Variants in FNBP1L observed in about 807,000 individuals in gnomAD.
FNBP1L encodes formin binding protein 1 like, also known as formin-binding protein 1-like.
In FNBP1L, 36 loss-of-function variants were observed where a neutral mutation model predicts 91.2. The observed-to-expected ratio is 0.39, with a 90% CI of 0.30 to 0.52. The LOEUF is 0.52. Ranked by LOEUF, FNBP1L falls within the 20% of genes least tolerant of loss-of-function variation. The pLI, the probability that FNBP1L is intolerant of heterozygous loss-of-function variation, is 0.66. For synonymous variants in FNBP1L, 242 were observed against 237.0 expected, an observed-to-expected ratio of 1.02 and a Z score of -0.19; for missense variants, 571 against 732.1, an observed-to-expected ratio of 0.78 and a Z score of 2.54.
chr1:93,454,272 G>T (rs72961361), intron 1 of FNBP1L, among the ~76,000 whole-genome samples: 94 of 152,234 alleles, frequency 6.2e-4, no homozygotes, highest in African/African-American at 2.2e-3. Flanking sequence ...AACCAGGCAG[G>T]CAAAGAGGTT....
intron 2 of FNBP1L, among the ~76,000 whole-genome samples, chr1:93,502,609 C>G (rs1670474525): frequency 6.6e-6 from 1 of 152,108 alleles, no homozygotes. Flanking sequence ...AGCTCCAGTT[C>G]ATTGAAACAA....
In FNBP1L at chr1:93,553,634, C is replaced by T. The variant is rs1672489383; in HGVS notation, c.*1218C>T. ...TTTCCACGTGATGCTTTTGTTTGAA[C>T]CTGATAAAATTTAGTGAAACTTTGT... is the stretch of plus-strand genomic sequence containing the variant. On this transcript the variant is annotated 3_prime_UTR_variant, in exon 17 of 17. Coordinates refer to ENST00000271234, the MANE Select transcript of FNBP1L (RefSeq NM_001164473.3). 1 of 152,556 alleles carries T rather than the reference C, an allele frequency of 6.6e-6. No homozygotes were observed. The highest frequency in any genetic ancestry group is 2.4e-5 in the African/African-American group (1 of 41,412). The allele number at this position is 152,556 out of a possible 1,614,324, so 9.5% of individuals were successfully genotyped here. A position where few individuals can be genotyped will look rare whatever the true frequency, so the allele number is the denominator to read the frequency against.
At chr1:93,506,600 A>T (rs989568432) in intron 2 of FNBP1L, among the ~76,000 whole-genome samples, 1 of 152,210 alleles carries the variant, frequency 6.6e-6, no homozygotes, top group Non-Finnish European at 1.5e-5. Flanking sequence ...TATGATTTAT[A>T]TTCCATTTTA....
chr1:93,546,731 T>C lies in FNBP1L; in HGVS notation c.1275-111T>C, dbSNP rs1252532232. 3.4e-5 allele frequency: 38 copies of C among 1,132,082 alleles called. No individual in the cohort carries two copies. The East Asian group carries it at 8.9e-4, about 27-fold the overall frequency. 70.1% of individuals were successfully genotyped at this position (1,132,082 alleles called of 1,614,324 possible). ...CATGTTAGACAAACTTAAAAAGATG[T>C]GACTCTACTTAAGATTAAGCTGCGT... On this transcript the variant is annotated intron_variant, in intron 12 of 16. Coordinates refer to ENST00000271234, the MANE Select transcript of FNBP1L (RefSeq NM_001164473.3).
intron 1 of FNBP1L, among the ~76,000 whole-genome samples, chr1:93,454,509 T>C (rs1449846547): frequency 1.3e-5 from 2 of 152,214 alleles, no homozygotes; most frequent in Admixed American, 1.3e-4. Context: ...AAGATGAAAG[T>C]GTATTTATTT....
chr1:93,536,188 A>G (rs995971555), intron 9 of FNBP1L, 144 bp from the exon 10 acceptor site: 37 of 523,250 alleles, frequency 7.1e-5, no homozygotes, highest in African/African-American at 5.3e-4. Flanking sequence ...GGGCAAAACT[A>G]TGTTTACTTT....
chr1:93,458,232 C>A (rs1261690783), intron 1 of FNBP1L, among the ~76,000 whole-genome samples: 1 of 152,086 alleles, frequency 6.6e-6, no homozygotes, highest in Non-Finnish European at 1.5e-5. Context: ...TCTCTTAGTT[C>A]TTTTTATAGA....
intron 1 of FNBP1L, among the ~76,000 whole-genome samples, chr1:93,461,845 C>T (rs1227417042): frequency 2.0e-5 from 3 of 152,108 alleles, no homozygotes; most frequent in Non-Finnish European, 4.4e-5. Context: ...GATAATAATA[C>T]AAGTAACTGA....
At chr1:93,459,091 A>G (rs1570760807) in intron 1 of FNBP1L, among the ~76,000 whole-genome samples, 3 of 152,296 alleles carry the variant, frequency 2.0e-5, no homozygotes, top group Middle Eastern at 3.4e-3. Flanking sequence ...CCTAGGCAAC[A>G]TGACAAAACA....
Position 93,500,507 on chromosome 1 carries a change from TG to T in FNBP1L, c.140+926del, listed in dbSNP as rs1333198267. On this transcript the variant is annotated intron_variant, in intron 2 of 16. Transcript: ENST00000271234. ...GGGAATGGAAGAAGAGGAAGAGGGATGGAAGTAAGGGAAAATGCAAGCCTGC... is the reference window on the plus strand; with the variant it reads ...GGGAATGGAAGAAGAGGAAGAGGGATGAAGTAAGGGAAAATGCAAGCCTGC... 2.0e-5 allele frequency among the ~76,000 whole-genome samples: 3 copies of T among 151,834 alleles called. No individual in the cohort carries two copies. The East Asian group carries it at 5.8e-4, about 29-fold the overall frequency.
At chr1:93,469,067 C>T (rs937553533) in intron 1 of FNBP1L, among the ~76,000 whole-genome samples, 12 of 152,102 alleles carry the variant, frequency 7.9e-5, no homozygotes, top group African/African-American at 2.9e-4. Flanking sequence ...TAAAGAAATA[C>T]CTGCTTACCT....
At chr1:93,491,677 A>C (rs2101717756) in intron 1 of FNBP1L, among the ~76,000 whole-genome samples, 1 of 152,262 alleles carries the variant, frequency 6.6e-6, no homozygotes, top group Non-Finnish European at 1.5e-5. Context: ...TTGTAGCTAA[A>C]CTTGTATTAT....
rs1672448101 is a variant in FNBP1L, at chr1:93,552,605, C to T, written c.*189C>T. The T allele has an allele frequency of 2.0e-6, 1 of 503,726 alleles. No homozygotes were observed. Among genetic ancestry groups the T allele is most frequent in the Non-Finnish European group, 3.4e-6 (1 of 292,590 alleles). The allele number at this position is 503,726 out of a possible 1,614,324, so 31.2% of individuals were successfully genotyped here. ...ACATTGTTTTTAAAAATCATAATAC[C>T]AACCCTTAAGTTCCTAGTTCACAGT... is the stretch of plus-strand genomic sequence containing the variant. On this transcript the variant is annotated 3_prime_UTR_variant, in exon 17 of 17. Transcript: ENST00000271234.
chr1:93,498,133 T>G (rs1326432864), intron 1 of FNBP1L, among the ~76,000 whole-genome samples: 1 of 152,210 alleles, frequency 6.6e-6, no homozygotes, highest in Non-Finnish European at 1.5e-5. Flanking sequence ...GGTTTGGAAT[T>G]TAAAATTTGG....
At chr1:93,486,900 T>C (rs1669929365) in intron 1 of FNBP1L, among the ~76,000 whole-genome samples, 1 of 152,242 alleles carries the variant, frequency 6.6e-6, no homozygotes, top group African/African-American at 2.4e-5. Context: ...ATATTATTTC[T>C]TTTATCTTAA....
intron 2 of FNBP1L, among the ~76,000 whole-genome samples, chr1:93,500,849 G>A (rs569630991): frequency 4.2e-4 from 64 of 152,108 alleles, no homozygotes; most frequent in South Asian, 1.0e-3. Context: ...CTGAATAATG[G>A]CATTATGCTA....
chr1:93,537,778 G>C (rs949101475), intron 10 of FNBP1L, among the ~76,000 whole-genome samples: 3 of 152,082 alleles, frequency 2.0e-5, no homozygotes, highest in African/African-American at 7.2e-5. Flanking sequence ...TCATATTTGG[G>C]ATTTCTATTG....
At chr1:93,547,505 CT>C in intron 14 of FNBP1L, 64 bp downstream of exon 14, 1 of 1,340,096 alleles carries the variant, frequency 7.5e-7, no homozygotes. Context: ...TTGTCCTAAA[CT>C]TTATACAATT....
chr1:93,490,780 T>C (rs1040557584), intron 1 of FNBP1L, among the ~76,000 whole-genome samples: 1 of 152,202 alleles, frequency 6.6e-6, no homozygotes, highest in Non-Finnish European at 1.5e-5. Context: ...ACTCCTTTAG[T>C]TTGTCATGAT....
Sources: allele counts gnomAD v4.1 joint callset (sites outside exome capture counted in the v4.1 genomes callset), GRCh38; gene constraint gnomAD v4.1.1; transcripts MANE v1.5; gene names NCBI Gene and HGNC (gene_info 2026-07-23, HGNC 2026-07-21).